The following SPOCK3 variants were observed in gnomAD, a reference collection of about 807,000 sequenced individuals.
The protein encoded by SPOCK3 is SPARC (osteonectin), cwcv and kazal like domains proteoglycan 3.
SPOCK3 carries 30 observed loss-of-function variants against 56.6 expected under a neutral mutation model. That is an observed-to-expected ratio of 0.53 (90% CI 0.40 to 0.72). SPOCK3 has a LOEUF of 0.72. Ranked by LOEUF, SPOCK3 falls within the 30% of genes least tolerant of loss-of-function variation. SPOCK3 has a pLI of 0.00. For missense variants in SPOCK3, 527 were observed against 530.0 expected, an observed-to-expected ratio of 0.99 and a Z score of 0.06; for synonymous variants, 196 against 183.3, an observed-to-expected ratio of 1.07 and a Z score of -0.56.
intron 5 of SPOCK3, among the ~76,000 whole-genome samples, chr4:166,908,875 A>C (rs2127084856): frequency 6.6e-6 from 1 of 152,220 alleles, no homozygotes; most frequent in East Asian, 1.9e-4. Context: ...CTTTGCCTGA[A>C]GTAAAGAAAT....
intron 4 of SPOCK3, among the ~76,000 whole-genome samples, chr4:166,954,294 G>A (rs146908646): frequency 1.3e-5 from 2 of 152,082 alleles, no homozygotes; most frequent in Admixed American, 1.3e-4. Flanking sequence ...CTGTACAGAA[G>A]CTTATAGTTT....
chr4:166,738,739 G>A (rs1287003870), intron 9 of SPOCK3, among the ~76,000 whole-genome samples: 2 of 149,658 alleles, frequency 1.3e-5, no homozygotes, highest in Admixed American at 1.3e-4. Context: ...TTGTCCTTGC[G>A]ATAGTTTACT....
chr4:166,779,501 C>A (rs888831862), intron 7 of SPOCK3, among the ~76,000 whole-genome samples: 1 of 150,420 alleles, frequency 6.6e-6, no homozygotes, highest in Admixed American at 6.6e-5. Flanking sequence ...ACAAAAAAAA[C>A]CTTTTAAATT....
chr4:166,795,503 A>G (rs1741837473), intron 6 of SPOCK3, among the ~76,000 whole-genome samples: 1 of 152,156 alleles, frequency 6.6e-6, no homozygotes, highest in African/African-American at 2.4e-5. Context: ...TAATTTTTCA[A>G]TTTAATTTTC....
At chr4:167,061,624 C>G (rs2150245407) in intron 3 of SPOCK3, among the ~76,000 whole-genome samples, 1 of 152,020 alleles carries the variant, frequency 6.6e-6, no homozygotes, top group East Asian at 1.9e-4. Flanking sequence ...GCAAAATACT[C>G]TGAGCTCCTT....
At chr4:166,906,495 A>C (rs569092984) in intron 5 of SPOCK3, among the ~76,000 whole-genome samples, 63 of 151,480 alleles carry the variant, frequency 4.2e-4, no homozygotes, top group African/African-American at 1.4e-3. Flanking sequence ...AAAAAAAAAA[A>C]AAAAAACCTA....
intron 6 of SPOCK3, among the ~76,000 whole-genome samples, chr4:166,831,843 T>C (rs1746104780): frequency 6.6e-6 from 1 of 151,702 alleles, no homozygotes; most frequent in Non-Finnish European, 1.5e-5. Flanking sequence ...AATTTCCTCT[T>C]CTTTCTCTCA....
chr4:167,233,352 G>A (rs1737381374), intron 2 of SPOCK3, among the ~76,000 whole-genome samples: 1 of 152,050 alleles, frequency 6.6e-6, no homozygotes, highest in Non-Finnish European at 1.5e-5. Context: ...ACCTCTTCCC[G>A]CAGAGTTCAA....
chr4:167,074,473 C>G (rs1158093360), intron 2 of SPOCK3, among the ~76,000 whole-genome samples: 1 of 151,936 alleles, frequency 6.6e-6, no homozygotes, highest in African/African-American at 2.4e-5. Flanking sequence ...CAGTTTCTCA[C>G]TGGCTCAGTT....
At chr4:166,960,757 G>A (rs1488873393) in intron 4 of SPOCK3, among the ~76,000 whole-genome samples, 1 of 152,216 alleles carries the variant, frequency 6.6e-6, no homozygotes, top group African/African-American at 2.4e-5. Flanking sequence ...ATATTTATGT[G>A]CAAAGAATAG....
intron 7 of SPOCK3, among the ~76,000 whole-genome samples, chr4:166,774,243 T>G (rs2126586001): frequency 6.6e-6 from 1 of 152,296 alleles, no homozygotes; most frequent in Non-Finnish European, 1.5e-5. Context: ...AGTTTTTACG[T>G]GGATGAATGA....
chr4:166,796,664 C>T (rs1579253874), intron 6 of SPOCK3, among the ~76,000 whole-genome samples: 2 of 151,820 alleles, frequency 1.3e-5, no homozygotes, highest in Admixed American at 6.6e-5. Context: ...TTATTTTTTC[C>T]CTTATCAATT....
intron 4 of SPOCK3, among the ~76,000 whole-genome samples, chr4:166,957,168 C>T (rs544600999): frequency 6.6e-6 from 1 of 152,266 alleles, no homozygotes; most frequent in African/African-American, 2.4e-5. Flanking sequence ...GTGGGAGGAT[C>T]ACTTGAGCCT....
chr4:167,234,360 G>T (rs1053961297), intron 1 of SPOCK3, 90 bp downstream of exon 1: 1 of 621,756 alleles, frequency 1.6e-6, no homozygotes, highest in African/African-American at 1.8e-5. Flanking sequence ...TCACACACAC[G>T]CAGACCCAGA....
At chr4:167,004,371 T>C (rs1225209292) in intron 3 of SPOCK3, among the ~76,000 whole-genome samples, 2 of 152,176 alleles carry the variant, frequency 1.3e-5, no homozygotes, top group Non-Finnish European at 2.9e-5. Context: ...ACTCATGGAA[T>C]GGCAGATAGT....
chr4:167,136,014 A>G (rs2150390376), intron 2 of SPOCK3, among the ~76,000 whole-genome samples: 1 of 152,254 alleles, frequency 6.6e-6, no homozygotes, highest in Admixed American at 6.5e-5. Context: ...CCTTTTAGCT[A>G]ATGTCCAAAT....
chr4:166,893,819 C>A (rs769501183), intron 5 of SPOCK3, among the ~76,000 whole-genome samples: 11 of 152,038 alleles, frequency 7.2e-5, no homozygotes, highest in South Asian at 2.1e-4. Context: ...CTCTAAATAG[C>A]CAATATCAAA....
intron 5 of SPOCK3, among the ~76,000 whole-genome samples, chr4:166,906,805 A>T (rs1436424920): frequency 6.6e-6 from 1 of 151,914 alleles, no homozygotes; most frequent in Non-Finnish European, 1.5e-5. Context: ...GTGTAGCAAT[A>T]TAGAAAAAAA....
At chr4:167,018,982 A>C (rs528635513) in intron 3 of SPOCK3, among the ~76,000 whole-genome samples, 1 of 152,172 alleles carries the variant, frequency 6.6e-6, no homozygotes, top group African/African-American at 2.4e-5. Context: ...ATGGGACACA[A>C]GTCTCTCCAA....
Sources: gnomAD v4.1 joint callset for allele counts (sites outside exome capture counted in the v4.1 genomes callset) on GRCh38, gnomAD v4.1.1 for gene constraint, MANE v1.5 for transcripts, NCBI Gene and HGNC (gene_info 2026-07-23, HGNC 2026-07-21) for gene names.